MAK: variants seen among roughly 807,000 people sequenced by gnomAD.
MAK encodes the protein male germ cell associated kinase, also known as serine/threonine-protein kinase MAK.
A neutral mutation model predicts 82.6 loss-of-function variants in MAK; 65 were observed. The observed-to-expected ratio is 0.79, with a 90% CI of 0.64 to 0.97. The LOEUF is 0.97. MAK is among the 50% of genes least tolerant of loss of function. The pLI is 0.00. For synonymous variants in MAK, 250 were observed against 274.2 expected (o/e 0.91, Z 0.87); for missense variants, 703 against 780.2 (o/e 0.90, Z 1.18).
intron 11 of MAK, among the ~76,000 whole-genome samples, chr6:10,779,682 T>C (rs2127524878): frequency 6.6e-6 from 1 of 152,344 alleles, no homozygotes; most frequent in Admixed American, 6.5e-5. Flanking sequence ...ATTGTTTCTT[T>C]TTTTAAATTT....
chr6:10,790,481 C>T (rs1438235552), intron 10 of MAK, among the ~76,000 whole-genome samples: 5 of 151,872 alleles, frequency 3.3e-5, no homozygotes, highest in African/African-American at 1.2e-4. Flanking sequence ...ACTTCAAAGT[C>T]GAATAATGTA....
intron 12 of MAK, 103 bp downstream of exon 12, chr6:10,775,225 C>T (rs1773359643): frequency 7.2e-7 from 1 of 1,381,798 alleles, no homozygotes; most frequent in African/African-American, 1.4e-5. Context: ...GTGTATCTCC[C>T]AAGTGCACAT....
At chr6:10,791,981 T>A in intron 9 of MAK, 134 bp from the exon 10 acceptor site, 1 of 897,700 alleles carries the variant, frequency 1.1e-6, no homozygotes, top group South Asian at 1.4e-5. Context: ...GCATAACATA[T>A]ATACACATTT....
rs1773501312 is a variant in MAK, at chr6:10,776,885, G to A, written c.1466-1426C>T. On this transcript the variant is annotated intron_variant, in intron 11 of 14. Transcript: ENST00000354489. The surrounding 1 kb of genome is among the most constrained non-coding windows in gnomAD (Gnocchi z 4.3). ...GCGGATCACGAGGTCAGGAGTTTGA[G>A]ACCAGCTTGGCCAACATAGTGAAAC... 6.6e-6 allele frequency among the ~76,000 whole-genome samples: 1 copy of A among 151,602 alleles called. No individual in the cohort carries two copies. Among genetic ancestry groups the A allele is most frequent in the Non-Finnish European group, 1.5e-5 (1 of 67,926 alleles).
At position 10,793,447 on chromosome 6, in the gene MAK, C is replaced by A. The variant is rs1775251359; in HGVS notation, c.1144-1600G>T. Among the ~76,000 whole-genome samples the A allele has an allele frequency of 6.6e-6, 1 of 152,052 alleles. No individual in the cohort carries two copies. Among genetic ancestry groups the A allele is most frequent in the African/African-American group, 2.4e-5 (1 of 41,374 alleles). On this transcript the variant is annotated intron_variant, in intron 9 of 14. Coordinates refer to ENST00000354489, the MANE Select transcript of MAK (RefSeq NM_001242957.3). The surrounding 1 kb of genome is among the most constrained non-coding windows in gnomAD (Gnocchi z 4.6). ...AATACACAGCTGGCAACAAGCTGGG[C>A]AGAATGGGTAAACTGAGAAGAAAAA... is the stretch of plus-strand genomic sequence containing the variant.
intron 10 of MAK, 78 bp downstream of exon 10, chr6:10,791,597 T>C: frequency 3.7e-6 from 5 of 1,334,600 alleles, no homozygotes; most frequent in Non-Finnish European, 5.3e-6. Context: ...TTTTAGGGTC[T>C]ACATGCATTT....
intron 2 of MAK, among the ~76,000 whole-genome samples, chr6:10,819,225 G>T (rs1272769718): frequency 6.6e-6 from 1 of 152,052 alleles, no homozygotes; most frequent in African/African-American, 2.4e-5. Flanking sequence ...TTTCTTAAAG[G>T]GTCCTTTTCA....
At chr6:10,824,254 C>T in intron 2 of MAK, among the ~76,000 whole-genome samples, 1 of 152,228 alleles carries the variant, frequency 6.6e-6, no homozygotes, top group East Asian at 1.9e-4. Context: ...TCTGTCTTAC[C>T]ACAGTTACCA....
intron 5 of MAK, among the ~76,000 whole-genome samples, chr6:10,813,107 TA>T (rs1777109943): frequency 8.5e-4 from 2 of 2,342 alleles, no homozygotes; most frequent in Non-Finnish European, 1.7e-3. Flanking sequence ...TATATATATA[TA>T]TATATATATA....
intron 9 of MAK, among the ~76,000 whole-genome samples, chr6:10,795,782 T>C (rs796871520): frequency 1.2e-4 from 18 of 152,320 alleles, no homozygotes; most frequent in African/African-American, 4.1e-4. Flanking sequence ...GACTGTAGCA[T>C]GTAAACTTGG....
At chr6:10,802,870 G>A (rs1776124507) in intron 7 of MAK, among the ~76,000 whole-genome samples, 2 of 152,170 alleles carry the variant, frequency 1.3e-5, no homozygotes, top group South Asian at 4.1e-4. Flanking sequence ...TAATTAGGAT[G>A]TCATTATATA....
intron 1 of MAK, among the ~76,000 whole-genome samples, chr6:10,832,506 G>C (rs747493307): frequency 2.0e-5 from 3 of 152,128 alleles, no homozygotes; most frequent in Non-Finnish European, 4.4e-5. Context: ...CACCCTGATC[G>C]GTCAGCAGCC....
intron 1 of MAK, among the ~76,000 whole-genome samples, chr6:10,835,797 A>G (rs1025965134): frequency 2.6e-5 from 4 of 151,924 alleles, no homozygotes; most frequent in African/African-American, 9.7e-5. Flanking sequence ...GTGGAAACAC[A>G]AAGAGTGACA....
At chr6:10,780,614 C>T (rs1773878345) in intron 11 of MAK, among the ~76,000 whole-genome samples, 1 of 151,886 alleles carries the variant, frequency 6.6e-6, no homozygotes, top group Admixed American at 6.6e-5. Flanking sequence ...ACCACCACGC[C>T]CAGCTAATTT....
chr6:10,766,283 G>C (rs371023356), intron 14 of MAK, among the ~76,000 whole-genome samples: 6 of 152,346 alleles, frequency 3.9e-5, no homozygotes, highest in African/African-American at 1.4e-4. Flanking sequence ...ATAACTGGGA[G>C]TGAGGAGGGA....
intron 6 of MAK, among the ~76,000 whole-genome samples, chr6:10,805,115 C>T (rs996885874): frequency 1.3e-5 from 2 of 151,956 alleles, no homozygotes; most frequent in African/African-American, 2.4e-5. Flanking sequence ...GAGGCTGTCC[C>T]GTCCATGGTT....
intron 6 of MAK, among the ~76,000 whole-genome samples, chr6:10,806,335 T>TTTTTTG (rs1246490213): frequency 4.4e-4 from 5 of 11,450 alleles, no homozygotes; most frequent in South Asian, 0.01. Flanking sequence ...CTGGCTAATT[T>TTTTTTG]TTTTTGTTTT....
chr6:10,821,336 C>T (rs1477676933), intron 2 of MAK, among the ~76,000 whole-genome samples: 2 of 152,126 alleles, frequency 1.3e-5, no homozygotes, highest in Non-Finnish European at 2.9e-5. Flanking sequence ...ACTGCAATGG[C>T]GTGATCTCGG....
At chr6:10,770,252 TCA>T (rs755682323) in intron 13 of MAK, 22 bp from the exon 14 acceptor site, 4 of 1,613,448 alleles carry the variant, frequency 2.5e-6, no homozygotes, top group Non-Finnish European at 3.4e-6. Context: ...TCATAAAGTT[TCA>T]CAGTCAGAAG....
Sources: gnomAD v4.1 joint callset for allele counts (sites outside exome capture counted in the v4.1 genomes callset) on GRCh38, gnomAD v4.1.1 for gene constraint, Gnocchi (gnomAD v3.1) non-coding constraint, MANE v1.5 for transcripts, NCBI Gene and HGNC (gene_info 2026-07-23, HGNC 2026-07-21) for gene names.